The following MBNL3 variants were observed in gnomAD, a reference collection of about 807,000 sequenced individuals.
MBNL3 encodes the protein muscleblind-like protein 3.
Under a neutral mutation model 24.5 loss-of-function variants are expected in MBNL3, and 6 were observed. The observed-to-expected ratio is 0.25, with a 90% confidence interval of 0.13 to 0.48. The LOEUF (loss-of-function observed/expected upper bound fraction) is 0.48, where lower values mean the gene tolerates loss of function less well. Ranked by LOEUF, MBNL3 falls within the 20% of genes least tolerant of loss-of-function variation. The pLI, the probability that MBNL3 is intolerant of heterozygous loss-of-function variation, is 0.99. For synonymous variants in MBNL3, 100 were observed against 101.7 expected (o/e 0.98, Z 0.10); for missense variants, 230 against 293.5 (o/e 0.78, Z 1.58).
chrX:132,396,961 TATATATATGA>T (rs1187901393), intron 3 of MBNL3, among the ~76,000 whole-genome samples: 19 of 81,638 alleles, frequency 2.3e-4, no homozygotes, highest in African/African-American at 4.9e-4. Flanking sequence ...TATATATTCA[TATATATATGA>T]ATATATATGA....
rs2147990811 is a variant in MBNL3, at chrX:132,370,056, T to C, written c.*9610A>G. The C allele has an allele frequency of 8.9e-6, 1 of 111,861 alleles. No homozygotes were observed. 9.2% of individuals were successfully genotyped at this position (111,861 alleles called of 1,213,427 possible). ...GCCCTTTGTATCCAAAATCCTCTGT[T>C]TGGAGCTCTTGGCTTTTATTCCCCA... On this transcript the variant is annotated 3_prime_UTR_variant, in exon 9 of 9. Coordinates refer to ENST00000370853, the MANE Select transcript of MBNL3 (RefSeq NM_001386889.1).
chrX:132,384,434 T>C (rs1046304048), intron 7 of MBNL3, among the ~76,000 whole-genome samples: 6 of 111,812 alleles, frequency 5.4e-5, no homozygotes, highest in Non-Finnish European at 9.4e-5. Flanking sequence ...AGGGTAGAAA[T>C]AGAGAAATGA....
chrX:132,418,564 T>C (rs1943508518), intron 2 of MBNL3, among the ~76,000 whole-genome samples: 1 of 112,025 alleles, frequency 8.9e-6, no homozygotes, highest in Admixed American at 9.4e-5. Flanking sequence ...ATATTTATAC[T>C]GTCTGGGCCA....
intron 5 of MBNL3, 94 bp downstream of exon 5, chrX:132,390,753 C>G (rs1034509423): frequency 4.5e-5 from 32 of 704,057 alleles, no homozygotes; most frequent in Middle Eastern, 7.6e-4. Flanking sequence ...CCTCTCATGA[C>G]CATCCATGAG....
At chrX:132,404,898 A>G (rs1205706494) in intron 3 of MBNL3, among the ~76,000 whole-genome samples, 1 of 111,898 alleles carries the variant, frequency 8.9e-6, no homozygotes, top group East Asian at 2.8e-4. Flanking sequence ...ATAAAGGTAA[A>G]ACAGGATTTT....
chrX:132,447,273 T>A (rs1358986212), intron 1 of MBNL3, among the ~76,000 whole-genome samples: 1 of 111,897 alleles, frequency 8.9e-6, no homozygotes, highest in Non-Finnish European at 1.9e-5. Context: ...TAAAGTAGTT[T>A]TTTCCAATTC....
intron 1 of MBNL3, among the ~76,000 whole-genome samples, chrX:132,462,889 G>C (rs145523785): frequency 5.7e-3 from 631 of 111,418 alleles, no homozygotes; most frequent in Non-Finnish European, 8.8e-3. Context: ...AGGGCACTTA[G>C]AACTAGTAGC....
At chrX:132,398,080 C>T (rs944257798) in intron 3 of MBNL3, among the ~76,000 whole-genome samples, 7 of 111,327 alleles carry the variant, frequency 6.3e-5, no homozygotes, top group African/African-American at 2.0e-4. Flanking sequence ...CTCACCTAGA[C>T]CTGGATTTTC....
rs1042643379 is a variant in MBNL3 at position 132,369,564 on chromosome X, C to T, written c.*10102G>A. 41 of 111,500 alleles carry T rather than the reference C, an allele frequency of 3.7e-4. No homozygotes were observed. The highest frequency in any genetic ancestry group is 1.0e-3 in the African/African-American group (31 of 30,666). 9.2% of individuals were successfully genotyped at this position (111,500 alleles called of 1,213,427 possible). A position where few individuals can be genotyped will look rare whatever the true frequency, so the allele number is the denominator to read the frequency against. ...CATTGAACCTCTATGGGTTAATCAT[C>T]GTCTTCTGTAGCCATAAGGTCTCTG... On this transcript the variant is annotated 3_prime_UTR_variant, in exon 9 of 9. Coordinates refer to ENST00000370853, the MANE Select transcript of MBNL3 (RefSeq NM_001386889.1).
At chrX:132,489,805 C>A (rs1365334863), upstream of MBNL3, 2 of 110,230 alleles carry the variant, frequency 1.8e-5, no homozygotes, top group African/African-American at 6.5e-5. Context: ...GCGCCGCCGC[C>A]AACCTCACCT....
At position 132,439,910 on chromosome X, in the gene MBNL3, C is replaced by T. The variant is rs1043343280; in HGVS notation, c.-299G>A. Among the ~76,000 whole-genome samples, 1 of 111,451 alleles carries T rather than the reference C, an allele frequency of 9.0e-6. No individual in the cohort carries two copies. The highest frequency in any genetic ancestry group is 3.3e-5 in the African/African-American group (1 of 30,627). ...CCTTTGCCGAATTTATGTTAAATAA[C>T]CGGCAGACTTTCAAAAGAATTCTGG... On this transcript the variant is annotated 5_prime_UTR_variant, in exon 2 of 9. Transcript: ENST00000370853.
intron 2 of MBNL3, among the ~76,000 whole-genome samples, chrX:132,414,289 C>T (rs1943098512): frequency 8.9e-6 from 1 of 112,377 alleles, no homozygotes. Flanking sequence ...AGAATGCAGA[C>T]TCTTTCATTG....
chrX:132,435,634 G>A (rs1019114824), intron 2 of MBNL3, among the ~76,000 whole-genome samples: 2 of 111,866 alleles, frequency 1.8e-5, no homozygotes, highest in African/African-American at 6.5e-5. Context: ...ATTTGACAAG[G>A]TTTCACTTGT....
At chrX:132,449,543 G>T (rs1335113243) in intron 1 of MBNL3, among the ~76,000 whole-genome samples, 2 of 90,167 alleles carry the variant, frequency 2.2e-5, no homozygotes, top group Non-Finnish European at 4.1e-5. Context: ...TCCTATGTGT[G>T]TCTCTGCACA....
chrX:132,443,960 A>G (rs1335254693), intron 1 of MBNL3, among the ~76,000 whole-genome samples: 1 of 80,363 alleles, frequency 1.2e-5, no homozygotes, highest in Non-Finnish European at 2.2e-5. Flanking sequence ...CCATGGTTCA[A>G]ACTCAAGCAG....
At chrX:132,393,605 C>G (rs1214410444) in intron 3 of MBNL3, among the ~76,000 whole-genome samples, 2 of 111,013 alleles carry the variant, frequency 1.8e-5, no homozygotes, top group African/African-American at 6.6e-5. Context: ...TAGTGAATGA[C>G]TGGTTGACAG....
At chrX:132,470,814 C>G (rs1028057775) in intron 1 of MBNL3, among the ~76,000 whole-genome samples, 4 of 111,713 alleles carry the variant, frequency 3.6e-5, no homozygotes, top group African/African-American at 9.8e-5. Context: ...GCAGCACTAT[C>G]TTTATCCAGT....
At chrX:132,475,468 C>A (rs1314291894) in intron 1 of MBNL3, among the ~76,000 whole-genome samples, 1 of 111,603 alleles carries the variant, frequency 9.0e-6, no homozygotes, top group Non-Finnish European at 1.9e-5. Context: ...TGAGCAGGGA[C>A]TTGAGGATGC....
chrX:132,404,722 G>T (rs1941502093), intron 3 of MBNL3, among the ~76,000 whole-genome samples: 2 of 111,658 alleles, frequency 1.8e-5, no homozygotes, highest in South Asian at 7.5e-4. Flanking sequence ...CTCATTAAAG[G>T]GTTCCATATC....
Sources: allele counts gnomAD v4.1 joint callset (sites outside exome capture counted in the v4.1 genomes callset), GRCh38; gene constraint gnomAD v4.1.1; transcripts MANE v1.5; gene names NCBI Gene and HGNC (gene_info 2026-07-23, HGNC 2026-07-21).